MAPK6: variants seen among roughly 807,000 people sequenced by gnomAD.
The protein encoded by MAPK6 is mitogen-activated protein kinase 6.
Under a neutral mutation model 59.3 loss-of-function variants are expected in MAPK6, and 19 were observed. That is an observed-to-expected ratio of 0.32 (90% CI 0.22 to 0.47). The LOEUF (loss-of-function observed/expected upper bound fraction) is 0.47. Among genes scored for constraint, MAPK6 ranks in the 20% least tolerant of loss-of-function variants. The pLI, the probability that MAPK6 is intolerant of heterozygous loss-of-function variation, is 1.00. For missense variants in MAPK6, 724 were observed against 847.9 expected (o/e 0.85, Z 1.81); for synonymous variants, 316 against 290.3 (o/e 1.09, Z -0.90).
chr15:52,032,186 ATTT>A (rs566086048), intron 1 of MAPK6, among the ~76,000 whole-genome samples: 5 of 92,466 alleles, frequency 5.4e-5, no homozygotes, highest in Admixed American at 1.2e-4. Flanking sequence ...ACAATTTTTA[ATTT>A]TTTTTTTTTT....
At chr15:52,059,348 G>A (rs1173659817) in intron 4 of MAPK6, among the ~76,000 whole-genome samples, 2 of 152,146 alleles carry the variant, frequency 1.3e-5, no homozygotes, top group Non-Finnish European at 2.9e-5. Context: ...GGCTGGTCTT[G>A]AACTCCTGAG....
chr15:51,992,836 G>A (rs2057213990), intron 2 of MAPK6, among the ~76,000 whole-genome samples: 1 of 152,174 alleles, frequency 6.6e-6, no homozygotes, highest in Non-Finnish European at 1.5e-5. Flanking sequence ...GATGCATAGG[G>A]CAAGGTATGG....
At position 52,065,035 on chromosome 15, in the gene MAPK6, T is replaced by G; in HGVS notation, c.*35T>G. 6.5e-7 allele frequency: 1 copy of G among 1,528,572 alleles called. No individual in the cohort carries two copies. Among genetic ancestry groups the G allele is most frequent in the Non-Finnish European group, 8.8e-7 (1 of 1,135,912 alleles). The allele number at this position is 1,528,572 out of a possible 1,614,324, so 94.7% of individuals were successfully genotyped here. A position where few individuals can be genotyped will look rare whatever the true frequency, so the allele number is the denominator to read the frequency against. On this transcript the variant is annotated 3_prime_UTR_variant, in exon 6 of 6. Coordinates refer to ENST00000261845, the MANE Select transcript of MAPK6 (RefSeq NM_002748.4). Reference sequence around the variant, plus strand: ...CAGACATTTATCTTTGTATTCTTCATGAAATGTGTTTTGTCTTTTTTTATT... The same window carrying G: ...CAGACATTTATCTTTGTATTCTTCAGGAAATGTGTTTTGTCTTTTTTTATT...
At chr15:52,018,043 T>A (rs2141840464), upstream of MAPK6, 1 of 152,346 alleles carries the variant, frequency 6.6e-6, no homozygotes, top group Non-Finnish European at 1.5e-5. Flanking sequence ...TGTGATTTTT[T>A]TTTTTGAGAC....
In MAPK6 at chr15:52,040,497, CTTTATG is replaced by C. The variant is rs150329612; in HGVS notation, c.-631-5326_-631-5321del. Among the ~76,000 whole-genome samples, 49 of 152,238 alleles carry C rather than the reference CTTTATG, an allele frequency of 3.2e-4. No homozygotes were observed. The East Asian group carries it at 9.2e-3, about 29-fold the overall frequency. On this transcript the variant is annotated intron_variant, in intron 1 of 5. Coordinates refer to ENST00000261845, the MANE Select transcript of MAPK6 (RefSeq NM_002748.4). ...TGAGGAGAAAACCAGAAAAAGTAAC[CTTTATG>C]TTTATGGCCCTTACTTCAAACTTTC...
At chr15:52,050,452 T>G (rs912167549) in intron 3 of MAPK6, among the ~76,000 whole-genome samples, 3 of 152,346 alleles carry the variant, frequency 2.0e-5, no homozygotes, top group Admixed American at 1.3e-4. Flanking sequence ...TGGTGAAAAT[T>G]TTAAGCCATT....
At chr15:51,990,688 C>T (rs1214797361) in intron 2 of MAPK6, among the ~76,000 whole-genome samples, 2 of 151,864 alleles carry the variant, frequency 1.3e-5, no homozygotes, top group Admixed American at 6.6e-5. Context: ...CAGTGGCTCA[C>T]GCCTGTAATC....
intron 1 of MAPK6, among the ~76,000 whole-genome samples, chr15:51,975,154 C>G (rs1345891077): frequency 2.0e-5 from 3 of 151,820 alleles, no homozygotes; most frequent in African/African-American, 7.2e-5. Context: ...TTTTTAGATA[C>G]CATAGAACCC....
At chr15:51,984,636 A>G (rs1225942137) in intron 2 of MAPK6, among the ~76,000 whole-genome samples, 1 of 151,922 alleles carries the variant, frequency 6.6e-6, no homozygotes, top group East Asian at 1.9e-4. Context: ...GTAAATGTCT[A>G]GGAGGATGTG....
At chr15:52,012,997 AAAAAAAAAAAAAAAAAAAAAAAAATATAT>A (rs1228142903) in intron 3 of MAPK6, among the ~76,000 whole-genome samples, 1 of 11,590 alleles carries the variant, frequency 8.6e-5, no homozygotes, top group Admixed American at 1.4e-3. Context: ...GAAAAAAAAA[AAAAAAAAAAAAAAAAAAAAAAAAATATAT>A]ATATATATAT....
chr15:52,026,982 G>A (rs1219019012), intron 1 of MAPK6, among the ~76,000 whole-genome samples: 1 of 150,846 alleles, frequency 6.6e-6, no homozygotes, highest in East Asian at 2.0e-4. Flanking sequence ...CCCAGGAGGC[G>A]GAGGTTGCAG....
At chr15:52,031,802 C>A (rs1307533263) in intron 1 of MAPK6, among the ~76,000 whole-genome samples, 6 of 152,172 alleles carry the variant, frequency 3.9e-5, no homozygotes, top group Non-Finnish European at 4.4e-5. Flanking sequence ...CACTGCACTT[C>A]AGCTTGGGCA....
intron 1 of MAPK6, chr15:52,042,796 A>G (rs562600349): frequency 3.9e-5 from 6 of 152,320 alleles, no homozygotes; most frequent in African/African-American, 1.2e-4. Context: ...GTAAAACATG[A>G]CTGAGCTTTA....
intron 1 of MAPK6, chr15:52,019,832 A>G (rs1323492998): frequency 6.6e-6 from 1 of 152,266 alleles, no homozygotes; most frequent in Non-Finnish European, 1.5e-5. Flanking sequence ...GGCCCGGGGA[A>G]CATGAGGTGG....
intron 1 of MAPK6, among the ~76,000 whole-genome samples, chr15:52,031,199 C>T (rs1327243217): frequency 6.6e-6 from 1 of 152,086 alleles, no homozygotes; most frequent in Middle Eastern, 3.2e-3. Context: ...TCCCAATGTG[C>T]CGGGACTACA....
rs3542 is a variant in MAPK6, at chr15:52,065,355, A to G, written c.*355A>G. 1 of 166,548 alleles carries G rather than the reference A, an allele frequency of 6.0e-6. No homozygotes were observed. Among genetic ancestry groups the G allele is most frequent in the Non-Finnish European group, 1.3e-5 (1 of 77,712 alleles). The allele number at this position is 166,548 out of a possible 1,614,324, so 10.3% of individuals were successfully genotyped here. A position where few individuals can be genotyped will look rare whatever the true frequency, so the allele number is the denominator to read the frequency against. ...TGAGACTGTACATAATTGCATGAAAATAGCTATTTTTTTCCTAAGACATTT... is the reference window on the plus strand; with the variant it reads ...TGAGACTGTACATAATTGCATGAAAGTAGCTATTTTTTTCCTAAGACATTT... On this transcript the variant is annotated 3_prime_UTR_variant, in exon 6 of 6. Transcript: ENST00000261845.
chr15:51,996,816 C>T (rs2057225728), intron 2 of MAPK6, among the ~76,000 whole-genome samples: 1 of 152,046 alleles, frequency 6.6e-6, no homozygotes, highest in Non-Finnish European at 1.5e-5. Context: ...CCTCAGCCTC[C>T]CAAGTAGCTA....
Position 51,991,776 on chromosome 15 carries a change from G to A in MAPK6, c.-770+8461G>A, listed in dbSNP as rs145607109. On this transcript the variant is annotated intron_variant, in intron 2 of 7. Transcript: ENST00000691380. The stretch of plus-strand genomic sequence containing the variant: ...AGGTCAAAGGACCTGTGGAGATGCA[G>A]TGGGAGGATGGGCCAGGTAGAAGAA... Among the ~76,000 whole-genome samples the A allele has an allele frequency of 3.9e-5, 6 of 152,368 alleles. No individual in the cohort carries two copies. The South Asian group carries it at 8.3e-4, about 21-fold the overall frequency.
chr15:52,011,829 C>T (rs1253639041), intron 3 of MAPK6, among the ~76,000 whole-genome samples: 2 of 152,214 alleles, frequency 1.3e-5, no homozygotes, highest in East Asian at 1.9e-4. Context: ...CAAATTACAA[C>T]GTGTTCTTCT....
Sources: allele counts gnomAD v4.1 joint callset (sites outside exome capture counted in the v4.1 genomes callset), GRCh38; gene constraint gnomAD v4.1.1; transcripts MANE v1.5; gene names NCBI Gene and HGNC (gene_info 2026-07-23, HGNC 2026-07-21).